NRF1: variants seen among roughly 807,000 people sequenced by gnomAD.
NRF1 encodes the protein nuclear respiratory factor 1.
Under a neutral mutation model 58.5 loss-of-function variants are expected in NRF1, and 5 were observed. That is an observed-to-expected ratio of 0.09 (90% CI 0.04 to 0.18). The LOEUF is 0.18. Among genes scored for constraint, NRF1 ranks in the 10% least tolerant of loss-of-function variants. The pLI is 1.00. For synonymous variants in NRF1, 224 were observed against 246.7 expected, an observed-to-expected ratio of 0.91 and a Z score of 0.86; for missense variants, 288 against 657.7, an observed-to-expected ratio of 0.44 and a Z score of 6.15.
intron 1 of NRF1, among the ~76,000 whole-genome samples, chr7:129,629,526 C>T (rs547863383): frequency 6.6e-6 from 1 of 152,052 alleles, no homozygotes; most frequent in East Asian, 1.9e-4. Context: ...CTGTCAGCCT[C>T]AGCCTCCCAA....
At chr7:129,649,517 A>G (rs1386855339) in intron 1 of NRF1, among the ~76,000 whole-genome samples, 1 of 152,170 alleles carries the variant, frequency 6.6e-6, no homozygotes, top group Admixed American at 6.5e-5. Context: ...CTCATCCATT[A>G]TGTGTGGATT....
At chr7:129,644,154 G>A (rs1268559605) in intron 1 of NRF1, among the ~76,000 whole-genome samples, 2 of 152,136 alleles carry the variant, frequency 1.3e-5, no homozygotes, top group Admixed American at 1.3e-4. Flanking sequence ...TTTAAATGGC[G>A]AAAGCCTACT....
chr7:129,632,266 C>A (rs1360631784), intron 1 of NRF1, among the ~76,000 whole-genome samples: 32 of 151,840 alleles, frequency 2.1e-4, no homozygotes, highest in Admixed American at 2.1e-3. Flanking sequence ...AAAGGGAGAC[C>A]CTGTCTCTTA....
intron 5 of NRF1, among the ~76,000 whole-genome samples, chr7:129,703,329 G>C (rs986668882): frequency 6.6e-6 from 1 of 152,140 alleles, no homozygotes; most frequent in African/African-American, 2.4e-5. Context: ...CTTTAGCTTT[G>C]CTGATCCTGT....
chr7:129,705,633 A>G (rs1802930960), intron 5 of NRF1, among the ~76,000 whole-genome samples: 1 of 152,078 alleles, frequency 6.6e-6, no homozygotes, highest in Non-Finnish European at 1.5e-5. Flanking sequence ...AAGAGAAGTG[A>G]GTCTGAGTGC....
At chr7:129,619,497 T>C (rs1450425113) in intron 1 of NRF1, among the ~76,000 whole-genome samples, 12 of 83,082 alleles carry the variant, frequency 1.4e-4, no homozygotes, top group Non-Finnish European at 5.6e-5. Context: ...TGTGTATATA[T>C]ATATATATAT....
chr7:129,631,236 AT>A (rs55900304), intron 1 of NRF1, among the ~76,000 whole-genome samples: 93,316 of 146,048 alleles, frequency 0.64, 30,235 homozygotes, highest in Non-Finnish European at 0.73. Context: ...ATTTGATTTA[AT>A]TTTTTTTTTT....
intron 3 of NRF1, among the ~76,000 whole-genome samples, chr7:129,676,029 C>G (rs957459092): frequency 1.3e-5 from 2 of 152,200 alleles, no homozygotes; most frequent in East Asian, 1.9e-4. Flanking sequence ...TCAGCACTTG[C>G]AGCTTCACTT....
intron 5 of NRF1, 142 bp from the exon 6 acceptor site, chr7:129,708,931 CAG>C: frequency 3.4e-6 from 2 of 592,892 alleles, no homozygotes; most frequent in Non-Finnish European, 5.3e-6. Context: ...CTATGGAAAA[CAG>C]TGGGTTTTCA....
chr7:129,734,469 T>G (rs766996450), intron 10 of NRF1, among the ~76,000 whole-genome samples: 1 of 152,164 alleles, frequency 6.6e-6, no homozygotes, highest in Non-Finnish European at 1.5e-5. Flanking sequence ...GTCAAACCTT[T>G]CCCCACCCCT....
intron 5 of NRF1, among the ~76,000 whole-genome samples, chr7:129,706,143 A>T (rs1802945253): frequency 6.6e-6 from 1 of 152,162 alleles, no homozygotes; most frequent in African/African-American, 2.4e-5. Context: ...CTGATGGAGG[A>T]CCAAGGCTGA....
intron 1 of NRF1, among the ~76,000 whole-genome samples, chr7:129,644,401 A>AT (rs11422840): frequency 1 from 152,328 of 152,328 alleles, 76,164 homozygotes; most frequent in Non-Finnish European, 1. Context: ...CAAGGGACAA[A>AT]TGGCCTGAAT....
intron 1 of NRF1, among the ~76,000 whole-genome samples, chr7:129,629,726 T>G (rs1474952218): frequency 6.6e-6 from 1 of 152,168 alleles, no homozygotes; most frequent in Non-Finnish European, 1.5e-5. Flanking sequence ...GTTAATAAAA[T>G]TAATAATATT....
intron 9 of NRF1, among the ~76,000 whole-genome samples, chr7:129,720,675 C>T (rs1407391405): frequency 2.6e-5 from 4 of 152,034 alleles, no homozygotes; most frequent in Non-Finnish European, 5.9e-5. Flanking sequence ...CAGAGGGGCT[C>T]CTTCATCTTT....
intron 10 of NRF1, among the ~76,000 whole-genome samples, chr7:129,734,152 T>C (rs1803651649): frequency 6.6e-6 from 1 of 152,270 alleles, no homozygotes; most frequent in African/African-American, 2.4e-5. Context: ...CATTATTTTA[T>C]TCATTTAACA....
chr7:129,618,314 C>G (rs1331757041), intron 1 of NRF1, among the ~76,000 whole-genome samples: 1 of 152,122 alleles, frequency 6.6e-6, no homozygotes, highest in Non-Finnish European at 1.5e-5. Context: ...CAAGAAAGGT[C>G]AAGTAAGTAC....
chr7:129,626,717 C>A (rs1800927891), intron 1 of NRF1, among the ~76,000 whole-genome samples: 1 of 152,192 alleles, frequency 6.6e-6, no homozygotes, highest in Non-Finnish European at 1.5e-5. Context: ...GAAGTAGCAA[C>A]TACACCAATT....
intron 1 of NRF1, among the ~76,000 whole-genome samples, chr7:129,651,965 AC>A (rs1490166806): frequency 1.3e-5 from 2 of 152,148 alleles, no homozygotes; most frequent in African/African-American, 2.4e-5. Context: ...ATTCTCATGT[AC>A]CCTTTACCCA....
intron 10 of NRF1, chr7:129,734,910 G>C (rs781060635): frequency 4.6e-5 from 11 of 241,542 alleles, no homozygotes; most frequent in Admixed American, 6.5e-5. Context: ...TTTAGGCCAG[G>C]ACTCTTTCAG....
Sources: gnomAD v4.1 joint callset for allele counts (sites outside exome capture counted in the v4.1 genomes callset) on GRCh38, gnomAD v4.1.1 for gene constraint, MANE v1.5 for transcripts, NCBI Gene and HGNC (gene_info 2026-07-23, HGNC 2026-07-21) for gene names.